The following SGSM2 variants were observed in gnomAD, a reference collection of about 807,000 sequenced individuals.
SGSM2 encodes small G protein signaling modulator 2, also known as RUN and TBC1 domain containing 1.
In SGSM2, 89 loss-of-function variants were observed where a neutral mutation model predicts 126.6. The observed-to-expected ratio is 0.70, with a 90% CI of 0.59 to 0.84. The LOEUF (loss-of-function observed/expected upper bound fraction) is 0.84, where lower values mean the gene tolerates loss of function less well. Among genes scored for constraint, SGSM2 ranks in the 40% least tolerant of loss-of-function variants. The probability of loss-of-function intolerance (pLI) is 0.00; values close to 1 mark genes in which losing one functional copy is unlikely to be tolerated. For missense variants in SGSM2, 1,404 were observed against 1,416.6 expected, an observed-to-expected ratio of 0.99 and a Z score of 0.14; for synonymous variants, 614 against 574.3, an observed-to-expected ratio of 1.07 and a Z score of -0.99.
intron 11 of SGSM2, among the ~76,000 whole-genome samples, chr17:2,365,998 C>T (rs998276248): frequency 2.6e-5 from 4 of 152,174 alleles, no homozygotes; most frequent in African/African-American, 9.7e-5. Flanking sequence ...CCTGCCTCAG[C>T]CTCCCAAAGT....
At position 2,379,910 on chromosome 17, in the gene SGSM2, G is replaced by A; in HGVS notation, c.*390G>A. 7.7e-7 allele frequency: 1 copy of A among 1,298,486 alleles called. No individual in the cohort carries two copies. Among genetic ancestry groups the A allele is most frequent in the Non-Finnish European group, 9.8e-7 (1 of 1,018,548 alleles). 80.4% of individuals were successfully genotyped at this position (1,298,486 alleles called of 1,614,324 possible). A position where few individuals can be genotyped will look rare whatever the true frequency, so the allele number is the denominator to read the frequency against. ...GGCCTGGGCCCTACTCAGCTGGGGT[G>A]GCAGAGGGCGAGAGGCTCTGTGCTG... On this transcript the variant is annotated 3_prime_UTR_variant, in exon 24 of 24. Transcript: ENST00000268989.
rs2066370040 is a variant in SGSM2, at chr17:2,380,605, C to T, written c.*1085C>T. On this transcript the variant is annotated 3_prime_UTR_variant, in exon 24 of 24. Coordinates refer to ENST00000268989, the MANE Select transcript of SGSM2 (RefSeq NM_014853.3). ...GGAGGAGCTGTGTATGCGGGGGTGC[C>T]AGGAAGGGCATAGCTCCTGCCCCCA... 4 of 470,778 alleles carry T rather than the reference C, an allele frequency of 8.5e-6. No individual in the cohort carries two copies. In the South Asian group the frequency reaches 8.7e-5, roughly 10 times the overall value. 29.2% of individuals were successfully genotyped at this position (470,778 alleles called of 1,614,324 possible).
intron 12 of SGSM2, among the ~76,000 whole-genome samples, chr17:2,369,661 C>T (rs1597375517): frequency 6.6e-6 from 1 of 152,296 alleles, no homozygotes; most frequent in East Asian, 1.9e-4. Context: ...TGGGCATGAG[C>T]TTGGTTCCCT....
At chr17:2,364,441 C>T in intron 8 of SGSM2, 155 bp from the exon 9 acceptor site, 1 of 885,912 alleles carries the variant, frequency 1.1e-6, no homozygotes, top group Non-Finnish European at 1.8e-6. Context: ...GCGGGCAGCA[C>T]AGATCTCAGG....
At chr17:2,364,455 C>G (rs2065463771) in intron 8 of SGSM2, 141 bp from the exon 9 acceptor site, 3 of 932,296 alleles carry the variant, frequency 3.2e-6, no homozygotes, top group Non-Finnish European at 5.0e-6. Context: ...TCTCAGGGGT[C>G]ATGGCTGGCT....
At chr17:2,358,089 T>A (rs1165682356) in intron 2 of SGSM2, among the ~76,000 whole-genome samples, 4 of 152,268 alleles carry the variant, frequency 2.6e-5, no homozygotes, top group African/African-American at 9.6e-5. Flanking sequence ...AAGTATCTCC[T>A]GCCACCACCC....
intron 12 of SGSM2, among the ~76,000 whole-genome samples, chr17:2,369,995 C>T (rs1001119457): frequency 6.6e-6 from 1 of 152,204 alleles, no homozygotes; most frequent in African/African-American, 2.4e-5. Flanking sequence ...GGGAAGAGAG[C>T]CCCGGCCAAG....
intron 2 of SGSM2, among the ~76,000 whole-genome samples, chr17:2,357,427 A>G (rs1597342409): frequency 6.6e-6 from 1 of 152,260 alleles, no homozygotes; most frequent in Middle Eastern, 3.4e-3. Context: ...GTGGAATACT[A>G]CTCAGCCATA....
At position 2,365,319 on chromosome 17, in the gene SGSM2, C is replaced by T. The variant is rs1201287417; in HGVS notation, c.1266C>T (p.Tyr422=). The change falls in exon 11 of 24, where the codon TAC becomes TAT. Residue 422 remains tyrosine, a synonymous_variant. Coordinates refer to ENST00000268989, the MANE Select transcript of SGSM2 (RefSeq NM_014853.3). ...RATDYVFRII[Y]PGHRHEHITI... is the part of the protein sequence containing the mutation. ...CCGACTATGTGTTCCGGATCATCTA[C>T]CCCGGCCACAGGCACGAGCACAGTG... 6 of 1,571,590 alleles carry T rather than the reference C, an allele frequency of 3.8e-6. No homozygotes were observed. Among genetic ancestry groups the T allele is most frequent in the Non-Finnish European group, 5.2e-6 (6 of 1,157,644 alleles).
Position 2,367,295 on chromosome 17 carries a change from C to T in SGSM2, c.1313C>T (p.Ala438Val), listed in dbSNP as rs200287295. Residue 438 changes from alanine (A) to valine (V), a missense_variant, in exon 12 of 24, where the codon GCG becomes GTG. Transcript: ENST00000268989. This position sits in a 1 kb window ranked among gnomAD's most constrained non-coding sequence, Gnocchi z 4.0. ...EHITINYHHL[A>V]ASRAASVDDD... Reference sequence around the variant, plus strand: ...GTCACTATTAACTACCACCACCTAGCGGCCAGCCGCGCGGCCTCGGTGGAC... The same window carrying T: ...GTCACTATTAACTACCACCACCTAGTGGCCAGCCGCGCGGCCTCGGTGGAC... 43 of 1,613,594 alleles carry T rather than the reference C, an allele frequency of 2.7e-5. No individual in the cohort carries two copies. The Admixed American group carries it at 3.8e-4, about 14-fold the overall frequency.
At chr17:2,351,252 C>CAA (rs547956009) in intron 2 of SGSM2, among the ~76,000 whole-genome samples, 1 of 135,356 alleles carries the variant, frequency 7.4e-6, no homozygotes, top group Admixed American at 7.5e-5. Context: ...GACTCAGTCT[C>CAA]AAAAAAAAAA....
Position 2,372,544 on chromosome 17 carries a change from GA to G in SGSM2, c.1788+57del. 2 of 1,576,324 alleles carry G rather than the reference GA, an allele frequency of 1.3e-6. No individual in the cohort carries two copies. Among genetic ancestry groups the G allele is most frequent in the Non-Finnish European group, 1.7e-6 (2 of 1,165,744 alleles). On this transcript the variant is annotated intron_variant, in intron 15 of 23. Transcript: ENST00000268989. This position sits in a 1 kb window ranked among gnomAD's most constrained non-coding sequence, Gnocchi z 6.0. ...TCGAGGGGCTGGGGCGGGCAGGAGT[GA>G]GGGCTTCAGGGTAAAATGTGCCAGT...
chr17:2,347,327 GA>G (rs2064640871), intron 2 of SGSM2, among the ~76,000 whole-genome samples: 1 of 151,570 alleles, frequency 6.6e-6, no homozygotes, highest in Non-Finnish European at 1.5e-5. Context: ...GGCTGGTCTC[GA>G]ACTCCTGACC....
rs897208928 is a variant in SGSM2, at chr17:2,369,060, C to T, written c.1423+1655C>T. Among the ~76,000 whole-genome samples, 23 of 152,178 alleles carry T rather than the reference C, an allele frequency of 1.5e-4. 1 individual carries two copies. The highest frequency in any genetic ancestry group is 7.2e-4 in the Admixed American group (11 of 15,278). ...CTCTCAAGGAACTCAGGGGCTAGGCCAACCTAGTATAGAGCTTCTGGGCCC... is the reference window on the plus strand; with the variant it reads ...CTCTCAAGGAACTCAGGGGCTAGGCTAACCTAGTATAGAGCTTCTGGGCCC... On this transcript the variant is annotated intron_variant, in intron 12 of 23. Coordinates refer to ENST00000268989, the MANE Select transcript of SGSM2 (RefSeq NM_014853.3).
intron 2 of SGSM2, among the ~76,000 whole-genome samples, chr17:2,358,018 G>C (rs2065151403): frequency 6.6e-6 from 1 of 152,220 alleles, no homozygotes; most frequent in African/African-American, 2.4e-5. Context: ...TGGGAGCCCA[G>C]GGCCCAGACA....
Position 2,347,497 on chromosome 17 carries a change from AAACATC to A in SGSM2, c.133+3879_133+3884del, listed in dbSNP as rs2064651091. 1.1e-4 allele frequency among the ~76,000 whole-genome samples: 16 copies of A among 151,640 alleles called. No individual in the cohort carries two copies. The South Asian group carries it at 3.1e-3, about 30-fold the overall frequency. On this transcript the variant is annotated intron_variant, in intron 2 of 23. Transcript: ENST00000268989. ...ATATCCTTTTATCCTTTTTATCTTA[AAACATC>A]ACATCAAGTTTACATTTTTCTCTAT...
intron 1 of SGSM2, 131 bp from the exon 2 acceptor site, chr17:2,343,414 A>G: frequency 1.2e-6 from 1 of 823,652 alleles, no homozygotes; most frequent in Non-Finnish European, 2.1e-6. Context: ...CACACCTTTC[A>G]TCCCTGTCAT....
chr17:2,378,915 CCAGCCCCAGCCT>C (rs1048962078), intron 22 of SGSM2, 109 bp from the exon 23 acceptor site: 75 of 1,214,170 alleles, frequency 6.2e-5, no homozygotes, highest in Non-Finnish European at 8.3e-5. Flanking sequence ...AGCATCAGCC[CCAGCCCCAGCCT>C]CAGCCTCAGC....
intron 11 of SGSM2, among the ~76,000 whole-genome samples, chr17:2,365,599 C>T (rs2065531381): frequency 6.6e-6 from 1 of 152,204 alleles, no homozygotes; most frequent in African/African-American, 2.4e-5. Flanking sequence ...CGTCACTACA[C>T]AAGACTCTTA....
Sources: gnomAD v4.1 joint callset for allele counts (sites outside exome capture counted in the v4.1 genomes callset) on GRCh38, gnomAD v4.1.1 for gene constraint, Gnocchi (gnomAD v3.1) non-coding constraint, MANE v1.5 for transcripts, NCBI Gene and HGNC (gene_info 2026-07-23, HGNC 2026-07-21) for gene names.